Variants in ATP23 observed in about 807,000 individuals in gnomAD.
The protein encoded by ATP23 is mitochondrial inner membrane protease ATP23 homolog.
Under a neutral mutation model 28.5 loss-of-function variants are expected in ATP23, and 24 were observed. The observed-to-expected ratio is 0.84, with a 90% confidence interval of 0.61 to 1.18. ATP23 has a LOEUF of 1.18. Ranked by LOEUF, ATP23 falls within the 50% of genes most tolerant of loss-of-function variation. The pLI, the probability that ATP23 is intolerant of heterozygous loss-of-function variation, is 0.00. For synonymous variants in ATP23, 99 were observed against 108.6 expected (o/e 0.91, Z 0.55); for missense variants, 274 against 306.4 (o/e 0.89, Z 0.79).
intron 2 of ATP23, 28 bp from the exon 3 acceptor site, chr12:57,946,967 G>A (rs550385584): frequency 2.5e-6 from 4 of 1,610,554 alleles, no homozygotes; most frequent in African/African-American, 2.7e-5. Flanking sequence ...ACTGTTTCTG[G>A]ACATTGTCTC....
chr12:57,942,839 C>T (rs896143699), intron 1 of ATP23, among the ~76,000 whole-genome samples: 5 of 152,112 alleles, frequency 3.3e-5, no homozygotes, highest in African/African-American at 1.2e-4. Context: ...GACACAACTG[C>T]CCATTGACAA....
intron 2 of ATP23, among the ~76,000 whole-genome samples, chr12:57,946,727 A>T (rs1018145682): frequency 6.6e-6 from 1 of 152,106 alleles, no homozygotes; most frequent in Admixed American, 6.5e-5. Flanking sequence ...AAGTGCTGGG[A>T]TTACAGGCGT....
At chr12:57,946,933 C>A in intron 2 of ATP23, 62 bp from the exon 3 acceptor site, 1 of 1,466,622 alleles carries the variant, frequency 6.8e-7, no homozygotes, top group Non-Finnish European at 9.5e-7. Context: ...TGAGCCCTGG[C>A]CCAGGGCTGT....
At chr12:57,942,570 C>T (rs551055341) in intron 1 of ATP23, among the ~76,000 whole-genome samples, 65 of 152,162 alleles carry the variant, frequency 4.3e-4, no homozygotes, top group African/African-American at 1.5e-3. Context: ...ACTACAGGCG[C>T]TCGCCACCAC....
At chr12:57,946,947 C>T (rs1956767580) in intron 2 of ATP23, 48 bp from the exon 3 acceptor site, 9 of 1,583,096 alleles carry the variant, frequency 5.7e-6, no homozygotes, top group African/African-American at 1.4e-5. Context: ...GGGCTGTTTG[C>T]CACATACACA....
intron 5 of ATP23, among the ~76,000 whole-genome samples, chr12:57,955,864 T>C (rs10747789): frequency 0.46 from 69,207 of 151,982 alleles, 16,735 homozygotes; most frequent in East Asian, 0.76. Flanking sequence ...TGGGAACATG[T>C]GGAGAAAACG....
rs534609952 is a variant in ATP23 at position 57,958,676 on chromosome 12, G to A, written c.*1786G>A. On this transcript the variant is annotated 3_prime_UTR_variant, in exon 6 of 6. Transcript: ENST00000300145. Reference sequence around the variant, plus strand: ...TGGCTTACAGGAAGCCACATCCATCGGAAAAGGGGGAGGGTATACATCAAG... The same window carrying A: ...TGGCTTACAGGAAGCCACATCCATCAGAAAAGGGGGAGGGTATACATCAAG... Among the ~76,000 whole-genome samples the A allele has an allele frequency of 5.0e-4, 76 of 152,188 alleles. No individual in the cohort carries two copies. Among genetic ancestry groups the A allele is most frequent in the Non-Finnish European group, 6.5e-4 (44 of 68,036 alleles).
rs73335533 is a variant in ATP23, at chr12:57,957,244, A to G, written c.*354A>G. Reference sequence around the variant, plus strand: ...ATAGGTGACCACTGTTGGTATTTACATTAAATGTAAAGAAATGTGTACTGA... The same window carrying G: ...ATAGGTGACCACTGTTGGTATTTACGTTAAATGTAAAGAAATGTGTACTGA... On this transcript the variant is annotated 3_prime_UTR_variant, in exon 6 of 6. Coordinates refer to ENST00000300145, the MANE Select transcript of ATP23 (RefSeq NM_033276.4). 6.4e-3 allele frequency: 1,162 copies of G among 181,368 alleles called. 13 individuals are homozygous for G. Among genetic ancestry groups the G allele is most frequent in the African/African-American group, 0.026 (1,109 of 42,256 alleles). 11.2% of individuals were successfully genotyped at this position (181,368 alleles called of 1,614,324 possible).
Position 57,958,914 on chromosome 12 carries a change from C to T in ATP23, c.*2024C>T, listed in dbSNP as rs1382075812. 6.6e-6 allele frequency among the ~76,000 whole-genome samples: 1 copy of T among 152,074 alleles called. No homozygotes were observed. Among genetic ancestry groups the T allele is most frequent in the African/African-American group, 2.4e-5 (1 of 41,378 alleles). Reference sequence around the variant, plus strand: ...TCCCTGATTTACCTGAAAAAGAATTCAGGAGGTTAGTTATTAAGCTAATCA... The same window carrying T: ...TCCCTGATTTACCTGAAAAAGAATTTAGGAGGTTAGTTATTAAGCTAATCA... On this transcript the variant is annotated 3_prime_UTR_variant, in exon 6 of 6. Transcript: ENST00000300145.
intron 4 of ATP23, among the ~76,000 whole-genome samples, chr12:57,952,481 A>G (rs931403831): frequency 6.6e-6 from 1 of 152,216 alleles, no homozygotes; most frequent in Non-Finnish European, 1.5e-5. Context: ...TTTCAAAAAT[A>G]CAACATAAAA....
At chr12:57,947,513 T>A (rs1325256767) in intron 3 of ATP23, among the ~76,000 whole-genome samples, 1 of 151,988 alleles carries the variant, frequency 6.6e-6, no homozygotes, top group African/African-American at 2.4e-5. Context: ...GGCAGGAACA[T>A]GTGGGGAATG....
intron 2 of ATP23, 120 bp from the exon 3 acceptor site, chr12:57,946,874 TC>T (rs1260879258): frequency 1.5e-5 from 11 of 716,638 alleles, no homozygotes; most frequent in Non-Finnish European, 2.6e-5. Flanking sequence ...TCCCAAGATT[TC>T]CTATGTGTTA....
intron 5 of ATP23, among the ~76,000 whole-genome samples, chr12:57,954,911 GGTGATTACTCTAGACA>G (rs1187673603): frequency 2.6e-5 from 4 of 151,976 alleles, no homozygotes; most frequent in Admixed American, 6.5e-5. Flanking sequence ...GCCTGGAAAG[GGTGATTACTCTAGACA>G]GTGAGGTGTT....
Position 57,951,867 on chromosome 12 carries a change from C to T in ATP23, c.425C>T (p.Thr142Ile), listed in dbSNP as rs749811330. Residue 142 changes from threonine to isoleucine, a missense_variant, in exon 4 of 6, where the codon ACC becomes ATC. By Grantham distance (89) the Thr-to-Ile change is moderately conservative (BLOSUM62 -1). Coordinates refer to ENST00000300145, the MANE Select transcript of ATP23 (RefSeq NM_033276.4). ...DHCRAHVDWFTNIRHLACSEV... is the reference protein window; with the variant it reads ...DHCRAHVDWFINIRHLACSEV... ...TGTCGTGCCCATGTCGACTGGTTCA[C>T]CAACATCAGACATTTGGCGTGCTCA... 1 of 1,614,176 alleles carries T rather than the reference C, an allele frequency of 6.2e-7. No homozygotes were observed.
intron 1 of ATP23, among the ~76,000 whole-genome samples, chr12:57,943,657 G>T (rs1956730109): frequency 6.6e-6 from 1 of 151,810 alleles, no homozygotes; most frequent in Admixed American, 6.6e-5. Context: ...CTCCAGCCTG[G>T]GCAACAGAGC....
intron 3 of ATP23, among the ~76,000 whole-genome samples, chr12:57,951,208 C>T (rs1000845222): frequency 1.5e-4 from 23 of 152,144 alleles, no homozygotes; most frequent in Admixed American, 1.2e-3. Context: ...GTGGTCATTC[C>T]TTTTTCATTC....
intron 5 of ATP23, 129 bp from the exon 6 acceptor site, chr12:57,956,558 G>T: frequency 2.6e-6 from 2 of 778,412 alleles, no homozygotes; most frequent in South Asian, 2.3e-5. Flanking sequence ...TTCTTCTTTG[G>T]AATGACAGAA....
At chr12:57,947,770 A>G (rs928589539) in intron 3 of ATP23, among the ~76,000 whole-genome samples, 2 of 152,216 alleles carry the variant, frequency 1.3e-5, no homozygotes, top group African/African-American at 2.4e-5. Flanking sequence ...TAAGCATTCA[A>G]TAAATTTTAT....
chr12:57,947,376 G>C (rs970355578), intron 3 of ATP23, among the ~76,000 whole-genome samples: 1 of 152,154 alleles, frequency 6.6e-6, no homozygotes, highest in East Asian at 1.9e-4. Flanking sequence ...CAACAGATTC[G>C]ACTAGAGGAT....
Sources: gnomAD v4.1 joint callset for allele counts (sites outside exome capture counted in the v4.1 genomes callset) on GRCh38, gnomAD v4.1.1 for gene constraint, MANE v1.5 for transcripts, NCBI Gene and HGNC (gene_info 2026-07-23, HGNC 2026-07-21) for gene names.